CABP5: variants seen among roughly 807,000 people sequenced by gnomAD.
CABP5 encodes the protein calcium-binding protein 5.
CABP5 carries 17 observed loss-of-function variants against 21.9 expected under a neutral mutation model. The ratio of observed to expected loss-of-function variants is 0.78; its 90% CI spans 0.53 to 1.17. The LOEUF (loss-of-function observed/expected upper bound fraction) is 1.17. Ranked by LOEUF, CABP5 falls within the 50% of genes most tolerant of loss-of-function variation. The probability of loss-of-function intolerance (pLI) is 0.00; values close to 1 mark genes in which losing one functional copy is unlikely to be tolerated. For synonymous variants in CABP5, 85 were observed against 79.4 expected, an observed-to-expected ratio of 1.07 and a Z score of -0.37; for missense variants, 229 against 228.9, an observed-to-expected ratio of 1.00 and a Z score of 0.00.
intron 2 of CABP5, among the ~76,000 whole-genome samples, chr19:48,041,176 ACT>A (rs113175580): frequency 0.095 from 14,387 of 151,904 alleles, 697 homozygotes; most frequent in South Asian, 0.13. Flanking sequence ...CAAGAGCAAA[ACT>A]CTGTCTCAAA....
At chr19:48,031,022 TCA>T (rs1967333900) in intron 5 of CABP5, among the ~76,000 whole-genome samples, 1 of 152,172 alleles carries the variant, frequency 6.6e-6, no homozygotes, top group African/African-American at 2.4e-5. Context: ...GTGCCTGCCA[TCA>T]CAGTCACCCC....
At chr19:48,040,081 T>C (rs1294053628) in intron 3 of CABP5, among the ~76,000 whole-genome samples, 1 of 152,114 alleles carries the variant, frequency 6.6e-6, no homozygotes, top group Non-Finnish European at 1.5e-5. Flanking sequence ...CATCCAAAAA[T>C]CCATCCATCC....
At chr19:48,036,100 G>A (rs778222395) in intron 4 of CABP5, among the ~76,000 whole-genome samples, 44 of 152,134 alleles carry the variant, frequency 2.9e-4, no homozygotes, top group Non-Finnish European at 5.6e-4. Context: ...ACTCCCCGAT[G>A]TTTTGGAAAT....
rs756172317 is a variant in CABP5 at position 48,039,342 on chromosome 19, C to T, written c.239-25G>A. ...ACTGAGGAAGATGGCACAGGATTAG[C>T]GAGACCCCACAAGCCCTGGCCTTCC... On this transcript the variant is annotated intron_variant, in intron 3 of 5. Coordinates refer to ENST00000293255, the MANE Select transcript of CABP5 (RefSeq NM_019855.5). 10 of 1,572,638 alleles carry T rather than the reference C, an allele frequency of 6.4e-6. No individual in the cohort carries two copies. In the East Asian group the frequency reaches 9.0e-5, roughly 14 times the overall value.
chr19:48,034,869 G>A (rs947975799), intron 4 of CABP5, among the ~76,000 whole-genome samples: 2 of 151,716 alleles, frequency 1.3e-5, no homozygotes, highest in African/African-American at 2.4e-5. Flanking sequence ...AATGAGACGG[G>A]GTCTCACTAT....
At chr19:48,032,688 T>A (rs1967355305) in intron 5 of CABP5, among the ~76,000 whole-genome samples, 1 of 150,986 alleles carries the variant, frequency 6.6e-6, no homozygotes. Context: ...TGGAGTGCAG[T>A]GGTGTGACCT....
chr19:48,037,561 C>A (rs1967427763), intron 4 of CABP5, among the ~76,000 whole-genome samples: 1 of 151,812 alleles, frequency 6.6e-6, no homozygotes, highest in Non-Finnish European at 1.5e-5. Context: ...AGCCACTGCA[C>A]CTGGCCTTAA....
At chr19:48,034,492 C>G in intron 4 of CABP5, 130 bp from the exon 5 acceptor site, 3 of 526,512 alleles carry the variant, frequency 5.7e-6, no homozygotes, top group Non-Finnish European at 6.1e-6. Context: ...GCCACTAGAA[C>G]GTCAGCTCCA....
intron 4 of CABP5, among the ~76,000 whole-genome samples, chr19:48,036,790 G>T (rs913362207): frequency 2.6e-5 from 4 of 152,106 alleles, no homozygotes; most frequent in African/African-American, 7.2e-5. Context: ...GACGTGAACA[G>T]CTATCTCTCT....
chr19:48,034,809 G>C (rs190282568), intron 4 of CABP5, among the ~76,000 whole-genome samples: 41 of 151,928 alleles, frequency 2.7e-4, no homozygotes, highest in Non-Finnish European at 4.7e-4. Context: ...GCCTCCTAAA[G>C]TGCTGAGATT....
At chr19:48,042,815 C>T (rs1408288664) in intron 1 of CABP5, among the ~76,000 whole-genome samples, 1 of 152,146 alleles carries the variant, frequency 6.6e-6, no homozygotes, top group East Asian at 1.9e-4. Flanking sequence ...CCTCGTGATC[C>T]ACCTGCTTTG....
chr19:48,033,122 C>T (rs1967362496), intron 5 of CABP5, among the ~76,000 whole-genome samples: 1 of 151,710 alleles, frequency 6.6e-6, no homozygotes, highest in Non-Finnish European at 1.5e-5. Context: ...CTGTCTCAGC[C>T]TCCCAAGTAG....
rs1216614875 is a variant in CABP5, at chr19:48,031,365, C to A, written c.497-783G>T. ...GACTGGCCTGGCTAACATGGTGAAA[C>A]CCCGTCTCTACTAAAAATACAAAAA... is the stretch of plus-strand genomic sequence containing the variant. On this transcript the variant is annotated intron_variant, in intron 5 of 5. Coordinates refer to ENST00000293255, the MANE Select transcript of CABP5 (RefSeq NM_019855.5). Among the ~76,000 whole-genome samples, 5 of 152,036 alleles carry A rather than the reference C, an allele frequency of 3.3e-5. No homozygotes were observed. The East Asian group carries it at 5.8e-4, about 18-fold the overall frequency.
intron 4 of CABP5, 21 bp from the exon 5 acceptor site, chr19:48,034,383 A>T: frequency 6.7e-7 from 1 of 1,484,228 alleles, no homozygotes; most frequent in South Asian, 1.4e-5. Context: ...GCAGAAATAG[A>T]TTATATCAGC....
At chr19:48,031,154 A>G (rs1967334985) in intron 5 of CABP5, among the ~76,000 whole-genome samples, 1 of 152,208 alleles carries the variant, frequency 6.6e-6, no homozygotes, top group Admixed American at 6.5e-5. Context: ...ATTAAATTTA[A>G]AAAATGGGAA....
At chr19:48,033,522 C>T (rs374964981) in intron 5 of CABP5, among the ~76,000 whole-genome samples, 1 of 152,016 alleles carries the variant, frequency 6.6e-6, no homozygotes, top group African/African-American at 2.4e-5. Context: ...CAGAAGCAAG[C>T]GGGAGGTATT....
intron 1 of CABP5, among the ~76,000 whole-genome samples, chr19:48,042,867 G>A (rs1967500626): frequency 6.6e-6 from 1 of 152,138 alleles, no homozygotes; most frequent in African/African-American, 2.4e-5. Context: ...GCCACTGCCT[G>A]GCCTTTTTTA....
Position 48,031,379 on chromosome 19 carries a change from A to G in CABP5, c.497-797T>C, listed in dbSNP as rs976026984. ...ACATGGTGAAACCCCGTCTCTACTA[A>G]AAATACAAAAATTAGCTAGGCGTGG... On this transcript the variant is annotated intron_variant, in intron 5 of 5. Coordinates refer to ENST00000293255, the MANE Select transcript of CABP5 (RefSeq NM_019855.5). Among the ~76,000 whole-genome samples the G allele has an allele frequency of 2.6e-5, 4 of 152,186 alleles. No individual in the cohort carries two copies. In the South Asian group the frequency reaches 8.3e-4, roughly 32 times the overall value.
intron 4 of CABP5, 139 bp from the exon 5 acceptor site, chr19:48,034,501 C>A (rs1600122997): frequency 2.1e-6 from 1 of 481,366 alleles, no homozygotes; most frequent in Non-Finnish European, 3.4e-6. Flanking sequence ...ACGTCAGCTC[C>A]AAAAGACAGT....
Sources: allele counts gnomAD v4.1 joint callset (sites outside exome capture counted in the v4.1 genomes callset), GRCh38; gene constraint gnomAD v4.1.1; transcripts MANE v1.5; gene names NCBI Gene and HGNC (gene_info 2026-07-23, HGNC 2026-07-21).